FARP1: variants seen among roughly 807,000 people sequenced by gnomAD.
The protein encoded by FARP1 is FERM, ARH/RhoGEF and pleckstrin domain protein 1, also known as FERM, ARHGEF and pleckstrin domain-containing protein 1.
A neutral mutation model predicts 128.8 loss-of-function variants in FARP1; 52 were observed. The ratio of observed to expected loss-of-function variants is 0.40; its 90% confidence interval spans 0.32 to 0.51. The LOEUF is 0.51. Among genes scored for constraint, FARP1 ranks in the 20% least tolerant of loss-of-function variants. The pLI, the probability that FARP1 is intolerant of heterozygous loss-of-function variation, is 0.45. For missense variants in FARP1, 1,333 were observed against 1,367.9 expected, an observed-to-expected ratio of 0.97 and a Z score of 0.40; for synonymous variants, 580 against 551.8, an observed-to-expected ratio of 1.05 and a Z score of -0.72.
At chr13:98,226,469 A>C (rs887631602) in intron 2 of FARP1, among the ~76,000 whole-genome samples, 1 of 145,498 alleles carries the variant, frequency 6.9e-6, no homozygotes. Flanking sequence ...AGGGATTAGG[A>C]CTTCATCTTT....
At chr13:98,270,148 A>T (rs1331827623) in intron 2 of FARP1, among the ~76,000 whole-genome samples, 1 of 152,214 alleles carries the variant, frequency 6.6e-6, no homozygotes, top group Admixed American at 6.5e-5. Context: ...TTTATCTTGA[A>T]TACCAAGAAA....
intron 3 of FARP1, 131 bp downstream of exon 3, chr13:98,343,997 A>C: frequency 1.5e-6 from 1 of 683,456 alleles, no homozygotes; most frequent in Non-Finnish European, 2.6e-6. Context: ...AAGTCTTCAA[A>C]TCTGGTGTGT....
chr13:98,209,839 G>T (rs573694300), intron 1 of FARP1, among the ~76,000 whole-genome samples: 3 of 146,344 alleles, frequency 2.0e-5, no homozygotes, highest in Non-Finnish European at 3.0e-5. Context: ...AGAAAAAGCC[G>T]GGGGTGGTGG....
intron 9 of FARP1, 21 bp from the exon 10 acceptor site, chr13:98,389,936 C>T (rs754111282): frequency 6.8e-6 from 11 of 1,611,890 alleles, no homozygotes; most frequent in East Asian, 4.5e-5. Context: ...AAAAAACCAC[C>T]GTTGTATTTT....
chr13:98,293,407 G>A (rs1469627663), intron 2 of FARP1, among the ~76,000 whole-genome samples: 3 of 152,104 alleles, frequency 2.0e-5, no homozygotes, highest in Non-Finnish European at 1.5e-5. Context: ...CAGAGGAGGG[G>A]AACACAGGTC....
intron 5 of FARP1, among the ~76,000 whole-genome samples, chr13:98,375,920 A>G (rs1164058949): frequency 2.6e-5 from 4 of 152,068 alleles, no homozygotes; most frequent in African/African-American, 9.7e-5. Flanking sequence ...TGCGGCCCCA[A>G]CAGGTAATTG....
At chr13:98,351,456 C>G (rs537647123) in intron 3 of FARP1, among the ~76,000 whole-genome samples, 2 of 151,788 alleles carry the variant, frequency 1.3e-5, no homozygotes, top group African/African-American at 4.8e-5. Context: ...ACTAAAAATA[C>G]GAAAAATTAG....
chr13:98,268,385 G>T (rs1055700187), intron 2 of FARP1, among the ~76,000 whole-genome samples: 3 of 152,170 alleles, frequency 2.0e-5, no homozygotes, highest in Non-Finnish European at 2.9e-5. Context: ...ATGGGGTTGG[G>T]TCAGCAGGAA....
At chr13:98,169,852 A>G (rs1877528704) in intron 1 of FARP1, among the ~76,000 whole-genome samples, 1 of 152,098 alleles carries the variant, frequency 6.6e-6, no homozygotes, top group African/African-American at 2.4e-5. Flanking sequence ...ACCATTGTCC[A>G]TCAGTCTGAG....
At chr13:98,429,746 C>G (rs1891939804) in intron 17 of FARP1, among the ~76,000 whole-genome samples, 1 of 152,132 alleles carries the variant, frequency 6.6e-6, no homozygotes, top group Non-Finnish European at 1.5e-5. Flanking sequence ...GGAGAAGCCA[C>G]TGAGGTTGGG....
At chr13:98,384,542 T>C (rs1242886171) in intron 6 of FARP1, 188 bp from the exon 7 acceptor site, 1 of 597,240 alleles carries the variant, frequency 1.7e-6, no homozygotes, top group African/African-American at 1.9e-5. Flanking sequence ...AAAACTGTCT[T>C]CTCACATCAC....
At chr13:98,298,237 C>A (rs1885782184) in intron 2 of FARP1, among the ~76,000 whole-genome samples, 1 of 152,164 alleles carries the variant, frequency 6.6e-6, no homozygotes, top group African/African-American at 2.4e-5. Flanking sequence ...GCTTGGTTAT[C>A]CCATTTTGCC....
In FARP1 at chr13:98,176,563, TC is replaced by T. The variant is rs772284861; in HGVS notation, c.-24+33074del. On this transcript the variant is annotated intron_variant, in intron 1 of 26. Coordinates refer to ENST00000319562, the MANE Select transcript of FARP1 (RefSeq NM_005766.4). This position sits in a 1 kb window ranked among gnomAD's most constrained non-coding sequence, Gnocchi z 6.2. ...ACCCTCTTCAAGCTCCCGTTCAATC[TC>T]CCACCCGAGCTTGTAATCGGAACGG... 6.2e-7 allele frequency: 1 copy of T among 1,614,156 alleles called. No individual in the cohort carries two copies. The highest frequency in any genetic ancestry group is 8.5e-7 in the Non-Finnish European group (1 of 1,180,026).
chr13:98,171,998 C>T (rs1385218041), intron 1 of FARP1, among the ~76,000 whole-genome samples: 2 of 152,144 alleles, frequency 1.3e-5, no homozygotes, highest in Admixed American at 6.6e-5. Context: ...GGTGTTGTGG[C>T]GCTCTGGGGG....
intron 18 of FARP1, 180 bp downstream of exon 18, chr13:98,431,460 GATT>G: frequency 4.9e-6 from 2 of 410,634 alleles, no homozygotes; most frequent in East Asian, 3.8e-5. Flanking sequence ...GTTACATCTT[GATT>G]TTTTTTTTTT....
At chr13:98,175,935 G>C (rs370969714) in intron 1 of FARP1, 4 of 553,778 alleles carry the variant, frequency 7.2e-6, no homozygotes, top group South Asian at 2.8e-5. Context: ...TGTGTGTATC[G>C]CATTTTGTTT....
At chr13:98,205,449 G>C (rs1460509570) in intron 1 of FARP1, among the ~76,000 whole-genome samples, 2 of 152,022 alleles carry the variant, frequency 1.3e-5, no homozygotes, top group East Asian at 3.9e-4. Flanking sequence ...CTGGAGTACA[G>C]TGGCGTGATC....
chr13:98,303,916 C>T (rs1886024270), intron 2 of FARP1, among the ~76,000 whole-genome samples: 1 of 152,152 alleles, frequency 6.6e-6, no homozygotes, highest in African/African-American at 2.4e-5. Context: ...TAATTTATGC[C>T]TCTTTGATTA....
At chr13:98,345,090 G>A (rs762478194) in intron 3 of FARP1, among the ~76,000 whole-genome samples, 1 of 152,218 alleles carries the variant, frequency 6.6e-6, no homozygotes, top group Non-Finnish European at 1.5e-5. Flanking sequence ...CAATTAGAGT[G>A]TAGCAAGTTA....
Sources: allele counts gnomAD v4.1 joint callset (sites outside exome capture counted in the v4.1 genomes callset), GRCh38; gene constraint gnomAD v4.1.1; non-coding constraint Gnocchi (gnomAD v3.1); transcripts MANE v1.5; gene names NCBI Gene and HGNC (gene_info 2026-07-23, HGNC 2026-07-21).